BAZ2B: variants seen among roughly 807,000 people sequenced by gnomAD.
BAZ2B encodes bromodomain adjacent to zinc finger domain 2B.
In BAZ2B, 91 loss-of-function variants were observed where a neutral mutation model predicts 246.0. That is an observed-to-expected ratio of 0.37 (90% confidence interval 0.31 to 0.44). The LOEUF (loss-of-function observed/expected upper bound fraction) is 0.44. Ranked by LOEUF, BAZ2B falls within the 20% of genes least tolerant of loss-of-function variation. BAZ2B has a pLI of 1.00. For synonymous variants in BAZ2B, 855 were observed against 860.0 expected, an observed-to-expected ratio of 0.99 and a Z score of 0.10; for missense variants, 2,332 against 2,533.7, an observed-to-expected ratio of 0.92 and a Z score of 1.71.
intron 1 of BAZ2B, among the ~76,000 whole-genome samples, chr2:159,579,465 G>A (rs1419028324): frequency 6.6e-6 from 1 of 152,186 alleles, no homozygotes; most frequent in African/African-American, 2.4e-5. Context: ...TCCAGGACCA[G>A]ATGGATTCAC....
chr2:159,532,494 C>T (rs984164136), intron 2 of BAZ2B, among the ~76,000 whole-genome samples: 3 of 152,018 alleles, frequency 2.0e-5, no homozygotes, highest in South Asian at 2.1e-4. Flanking sequence ...CCTCAAACTG[C>T]GGAAATAATA....
chr2:159,649,785 G>T, the BAZ2B span, among the ~76,000 whole-genome samples: 1 of 151,996 alleles, frequency 6.6e-6, no homozygotes, highest in Non-Finnish European at 1.5e-5. Flanking sequence ...ATTTTTTTCT[G>T]CCTTCCCTTC....
intron 1 of BAZ2B, among the ~76,000 whole-genome samples, chr2:159,610,651 CATT>C (rs140643133): frequency 0.064 from 9,780 of 152,174 alleles, 383 homozygotes; most frequent in Non-Finnish European, 0.091. Context: ...ATGTTGCCAT[CATT>C]ATTATTATCC....
chr2:159,635,968 G>T, the BAZ2B span, among the ~76,000 whole-genome samples: 2 of 152,098 alleles, frequency 1.3e-5, no homozygotes, highest in Admixed American at 1.3e-4. Flanking sequence ...GAAGTGGGAG[G>T]ATTGCTTAAG....
the BAZ2B span, among the ~76,000 whole-genome samples, chr2:159,677,492 T>G: frequency 6.6e-6 from 1 of 152,182 alleles, no homozygotes; most frequent in Non-Finnish European, 1.5e-5. Flanking sequence ...CATTCACTAT[T>G]TTTTATAGTA....
chr2:159,662,884 T>C, the BAZ2B span, among the ~76,000 whole-genome samples: 1 of 152,160 alleles, frequency 6.6e-6, no homozygotes. Context: ...TAGTATCTTA[T>C]TGTCATTTTG....
the BAZ2B span, among the ~76,000 whole-genome samples, chr2:159,633,545 A>C: frequency 6.6e-6 from 1 of 152,144 alleles, no homozygotes; most frequent in Non-Finnish European, 1.5e-5. Flanking sequence ...CAAGCTATTC[A>C]TGGTACTACC....
At chr2:159,653,918 C>T in the BAZ2B span, among the ~76,000 whole-genome samples, 2 of 152,068 alleles carry the variant, frequency 1.3e-5, no homozygotes, top group South Asian at 4.1e-4. Context: ...GGAAATTCTA[C>T]TAGATAATCT....
intron 29 of BAZ2B, 84 bp from the exon 30 acceptor site, chr2:159,348,917 T>C: frequency 7.8e-6 from 12 of 1,539,136 alleles, no homozygotes; most frequent in Middle Eastern, 1.8e-4. Context: ...TTATTAACTA[T>C]ATATAGAACC....
At chr2:159,485,756 T>C (rs1365146289) in intron 2 of BAZ2B, among the ~76,000 whole-genome samples, 2 of 152,132 alleles carry the variant, frequency 1.3e-5, no homozygotes. Context: ...TTGAAATATT[T>C]AACAATTTAA....
chr2:159,416,231 A>C (rs2067688611), intron 13 of BAZ2B, among the ~76,000 whole-genome samples: 1 of 152,216 alleles, frequency 6.6e-6, no homozygotes, highest in African/African-American at 2.4e-5. Flanking sequence ...TCTTATCTTA[A>C]AGATAATTTT....
chr2:159,428,505 C>A (rs1056130843), intron 11 of BAZ2B, 86 bp from the exon 12 acceptor site: 7 of 899,538 alleles, frequency 7.8e-6, no homozygotes, highest in Non-Finnish European at 1.1e-5. Context: ...TATACATGTT[C>A]TCTAGAAAAC....
chr2:159,344,380 C>A (rs1322322761), intron 31 of BAZ2B, among the ~76,000 whole-genome samples: 1 of 151,498 alleles, frequency 6.6e-6, no homozygotes, highest in Admixed American at 6.6e-5. Flanking sequence ...ACTAAAAATA[C>A]AAAATTAGCC....
chr2:159,548,580 A>G (rs555872106), intron 2 of BAZ2B, among the ~76,000 whole-genome samples: 1 of 152,354 alleles, frequency 6.6e-6, no homozygotes, highest in African/African-American at 2.4e-5. Context: ...GGATAAATAA[A>G]TATTAGCTTT....
chr2:159,396,396 C>G (rs1416042176), intron 19 of BAZ2B: 2 of 152,086 alleles, frequency 1.3e-5, no homozygotes, highest in Non-Finnish European at 2.9e-5. Flanking sequence ...TTTAGTTAAA[C>G]TAGTCTTGTT....
chr2:159,346,805 C>T (rs896108470), intron 31 of BAZ2B, among the ~76,000 whole-genome samples: 1 of 152,118 alleles, frequency 6.6e-6, no homozygotes, highest in Admixed American at 6.5e-5. Context: ...ACCAAAAATT[C>T]TTGCACAAGG....
At chr2:159,350,727 T>C (rs1026146594) in intron 27 of BAZ2B, among the ~76,000 whole-genome samples, 2 of 152,238 alleles carry the variant, frequency 1.3e-5, no homozygotes, top group African/African-American at 4.8e-5. Flanking sequence ...TGCACCACCA[T>C]GCCTGGCTAA....
intron 21 of BAZ2B, 84 bp from the exon 22 acceptor site, chr2:159,386,691 A>C: frequency 7.1e-7 from 1 of 1,398,976 alleles, no homozygotes; most frequent in Non-Finnish European, 9.5e-7. Flanking sequence ...AAGTAAAATA[A>C]GCTGCTACCT....
intron 36 of BAZ2B, among the ~76,000 whole-genome samples, chr2:159,323,093 T>G (rs2062927920): frequency 6.6e-6 from 1 of 151,726 alleles, no homozygotes; most frequent in Admixed American, 6.6e-5. Context: ...TTCAAGTGAT[T>G]CTTGTGCCTC....
Sources: allele counts gnomAD v4.1 joint callset (sites outside exome capture counted in the v4.1 genomes callset), GRCh38; gene constraint gnomAD v4.1.1; transcripts MANE v1.5; gene names NCBI Gene and HGNC (gene_info 2026-07-23, HGNC 2026-07-21).